GLDN: variants seen among roughly 807,000 people sequenced by gnomAD.
GLDN encodes collomin.
A neutral mutation model predicts 56.5 loss-of-function variants in GLDN; 47 were observed. The ratio of observed to expected loss-of-function variants is 0.83; its 90% confidence interval spans 0.66 to 1.06. The LOEUF is 1.06. GLDN is among the 50% of genes least tolerant of loss of function. The pLI, the probability that GLDN is intolerant of heterozygous loss-of-function variation, is 0.00. For missense variants in GLDN, 782 were observed against 714.3 expected (o/e 1.09, Z -1.08); for synonymous variants, 332 against 278.8 (o/e 1.19, Z -1.90).
intron 8 of GLDN, 23 bp downstream of exon 8, chr15:51,400,521 C>T (rs1174807098): frequency 6.2e-7 from 1 of 1,609,124 alleles, no homozygotes. Context: ...GGCCTATGAC[C>T]CATATCTGTG....
At chr15:51,342,072 G>A in intron 1 of GLDN, 25 bp downstream of exon 1, 1 of 1,588,536 alleles carries the variant, frequency 6.3e-7, no homozygotes, top group Non-Finnish European at 8.5e-7. Context: ...TGTTCCCCGT[G>A]GCGCCCCGGC....
At chr15:51,389,177 T>A (rs1268569535) in intron 4 of GLDN, among the ~76,000 whole-genome samples, 3 of 152,222 alleles carry the variant, frequency 2.0e-5, no homozygotes, top group African/African-American at 7.2e-5. Flanking sequence ...TTATGACAAC[T>A]CTAATATGGT....
rs2038400614 is a variant in GLDN at position 51,407,151 on chromosome 15, T to G, written c.*2397T>G. 6.6e-6 allele frequency: 1 copy of G among 151,894 alleles called. No individual in the cohort carries two copies. The highest frequency in any genetic ancestry group is 1.5e-5 in the Non-Finnish European group (1 of 68,014). 9.4% of individuals were successfully genotyped at this position (151,894 alleles called of 1,614,324 possible). A position where few individuals can be genotyped will look rare whatever the true frequency, so the allele number is the denominator to read the frequency against. On this transcript the variant is annotated 3_prime_UTR_variant, in exon 10 of 10. Transcript: ENST00000335449. ...ACTGGAGAAGCTTACACCGGGACTT[T>G]TTTTCTTTTTTCTTTTTTTTTTGCT... is the stretch of plus-strand genomic sequence containing the variant.
chr15:51,360,194 G>A (rs758555992), intron 1 of GLDN: 3 of 152,138 alleles, frequency 2.0e-5, no homozygotes, highest in Non-Finnish European at 2.9e-5. Flanking sequence ...CAGGCTGAAC[G>A]AGACAGATGA....
chr15:51,395,110 T>C (rs1035226654), intron 5 of GLDN, 129 bp downstream of exon 5: 14 of 921,468 alleles, frequency 1.5e-5, no homozygotes, highest in African/African-American at 1.2e-4. Context: ...TTTTGCAGCA[T>C]GTTTTGGAGT....
At chr15:51,413,234 T>A in the GLDN span, among the ~76,000 whole-genome samples, 3 of 152,252 alleles carry the variant, frequency 2.0e-5, no homozygotes, top group Admixed American at 2.0e-4. Context: ...CAGAGCCTTT[T>A]TAAAAACTAA....
chr15:51,395,408 G>C (rs1360496034), intron 5 of GLDN, among the ~76,000 whole-genome samples: 1 of 152,066 alleles, frequency 6.6e-6, no homozygotes, highest in Admixed American at 6.5e-5. Context: ...TCTTAGAATT[G>C]GGGCAAAATA....
At chr15:51,381,257 A>G (rs1038862450) in intron 2 of GLDN, among the ~76,000 whole-genome samples, 7 of 152,166 alleles carry the variant, frequency 4.6e-5, no homozygotes, top group Non-Finnish European at 1.0e-4. Context: ...TTTGAAACCT[A>G]CTGTGTACAG....
intron 1 of GLDN, chr15:51,377,172 C>A: frequency 4.2e-6 from 2 of 478,410 alleles, no homozygotes; most frequent in East Asian, 3.4e-5. Context: ...AGCATCACCA[C>A]AAACACGAAG....
intron 1 of GLDN, among the ~76,000 whole-genome samples, chr15:51,373,786 T>TC (rs2141082565): frequency 6.6e-6 from 1 of 152,364 alleles, no homozygotes; most frequent in African/African-American, 2.4e-5. Context: ...TCATGCCTAG[T>TC]ACCCCCAGGA....
intron 4 of GLDN, among the ~76,000 whole-genome samples, chr15:51,386,905 C>T (rs994611367): frequency 2.0e-5 from 3 of 152,274 alleles, no homozygotes; most frequent in Non-Finnish European, 2.9e-5. Flanking sequence ...AAGGGACAAT[C>T]GTGGACTCCG....
chr15:51,385,608 G>C (rs745776100), intron 4 of GLDN: 1 of 152,224 alleles, frequency 6.6e-6, no homozygotes, highest in East Asian at 1.9e-4. Context: ...ATCATAGAAA[G>C]GGGTGGGAAA....
At chr15:51,377,622 G>T in intron 2 of GLDN, 122 bp downstream of exon 2, 1 of 656,100 alleles carries the variant, frequency 1.5e-6, no homozygotes, top group African/African-American at 1.8e-5. Context: ...ACTTTTACCA[G>T]ATGTTTTTAA....
intron 1 of GLDN, among the ~76,000 whole-genome samples, chr15:51,370,066 T>G (rs1270967806): frequency 2.0e-5 from 3 of 152,114 alleles, no homozygotes; most frequent in Admixed American, 6.5e-5. Context: ...TAGTGAGCCA[T>G]GTTCATGTCA....
At chr15:51,413,333 A>T in the GLDN span, among the ~76,000 whole-genome samples, 1 of 150,654 alleles carries the variant, frequency 6.6e-6, no homozygotes. Context: ...TACTATCTAC[A>T]CAAAAAACAC....
At chr15:51,401,518 T>C in intron 8 of GLDN, 75 bp from the exon 9 acceptor site, 1 of 1,395,136 alleles carries the variant, frequency 7.2e-7, no homozygotes, top group Admixed American at 1.9e-5. Flanking sequence ...CCTTTGAAAT[T>C]CCTCCCAAGG....
At chr15:51,398,604 C>T (rs1477979757) in intron 6 of GLDN, among the ~76,000 whole-genome samples, 1 of 152,178 alleles carries the variant, frequency 6.6e-6, no homozygotes, top group African/African-American at 2.4e-5. Context: ...TTCTGGAAGA[C>T]GTTTGGGGGC....
intron 1 of GLDN, among the ~76,000 whole-genome samples, chr15:51,352,713 G>A (rs991155681): frequency 2.0e-5 from 3 of 152,134 alleles, no homozygotes; most frequent in Non-Finnish European, 4.4e-5. Context: ...CTCTGAAACT[G>A]CCTTAGCAAA....
intron 1 of GLDN, among the ~76,000 whole-genome samples, chr15:51,342,408 C>A (rs2036903296): frequency 6.6e-6 from 1 of 152,252 alleles, no homozygotes; most frequent in Non-Finnish European, 1.5e-5. Flanking sequence ...GGGGCTCCGC[C>A]TGTGCCACTG....
Sources: gnomAD v4.1 joint callset for allele counts (sites outside exome capture counted in the v4.1 genomes callset) on GRCh38, gnomAD v4.1.1 for gene constraint, MANE v1.5 for transcripts, NCBI Gene and HGNC (gene_info 2026-07-23, HGNC 2026-07-21) for gene names.